Variants in RPS6KC1 observed in about 807,000 individuals in gnomAD.
RPS6KC1 encodes the protein ribosomal protein S6 kinase C1.
Under a neutral mutation model 103.8 loss-of-function variants are expected in RPS6KC1, and 54 were observed. The observed-to-expected ratio is 0.52, with a 90% confidence interval of 0.42 to 0.65. RPS6KC1 has a LOEUF of 0.65. RPS6KC1 is among the 30% of genes least tolerant of loss of function. RPS6KC1 has a pLI of 0.00. For synonymous variants in RPS6KC1, 439 were observed against 438.7 expected, an observed-to-expected ratio of 1.00 and a Z score of -0.01; for missense variants, 1,151 against 1,253.8, an observed-to-expected ratio of 0.92 and a Z score of 1.24.
At chr1:213,101,990 A>C (rs1269378746) in intron 3 of RPS6KC1, among the ~76,000 whole-genome samples, 4 of 152,184 alleles carry the variant, frequency 2.6e-5, no homozygotes, top group Non-Finnish European at 1.5e-5. Context: ...TTTCTAGATA[A>C]TATTAGTGAT....
At chr1:213,790,544 A>G in the RPS6KC1 span, among the ~76,000 whole-genome samples, 1 of 152,216 alleles carries the variant, frequency 6.6e-6, no homozygotes, top group African/African-American at 2.4e-5. Context: ...AAGGAAAGAA[A>G]GAAGTACTTC....
At chr1:213,427,393 T>C in the RPS6KC1 span, among the ~76,000 whole-genome samples, 1 of 152,208 alleles carries the variant, frequency 6.6e-6, no homozygotes, top group Admixed American at 6.5e-5. Context: ...ATGCACACCC[T>C]GTATTTTATA....
the RPS6KC1 span, among the ~76,000 whole-genome samples, chr1:213,760,633 G>A: frequency 6.6e-6 from 1 of 152,174 alleles, no homozygotes; most frequent in African/African-American, 2.4e-5. Flanking sequence ...TATGTATTCA[G>A]ACAAACAACA....
intron 7 of RPS6KC1, among the ~76,000 whole-genome samples, chr1:213,170,814 T>G (rs546840220): frequency 1.3e-5 from 2 of 152,362 alleles, no homozygotes; most frequent in South Asian, 4.1e-4. Flanking sequence ...GGATTGTGAT[T>G]AGCTTGGTGC....
chr1:213,734,553 TCTC>T, the RPS6KC1 span, among the ~76,000 whole-genome samples: 1 of 152,270 alleles, frequency 6.6e-6, no homozygotes, highest in East Asian at 1.9e-4. Flanking sequence ...GTGTATGACT[TCTC>T]CTCTTTATTA....
the RPS6KC1 span, among the ~76,000 whole-genome samples, chr1:213,662,291 A>G: frequency 2.0e-5 from 3 of 151,910 alleles, no homozygotes; most frequent in African/African-American, 7.3e-5. Flanking sequence ...TTTTTGAGAC[A>G]GAATCTTGCC....
chr1:213,758,066 G>A, the RPS6KC1 span, among the ~76,000 whole-genome samples: 1 of 152,142 alleles, frequency 6.6e-6, no homozygotes, highest in Non-Finnish European at 1.5e-5. Flanking sequence ...GAACTCTGAT[G>A]GAGATGTACA....
intron 4 of RPS6KC1, among the ~76,000 whole-genome samples, chr1:213,108,209 G>C (rs550490348): frequency 6.6e-6 from 1 of 152,074 alleles, no homozygotes; most frequent in South Asian, 2.1e-4. Flanking sequence ...ATTTTCTTCT[G>C]TTTACTTTTA....
the RPS6KC1 span, among the ~76,000 whole-genome samples, chr1:213,432,485 C>T: frequency 5.3e-5 from 8 of 152,134 alleles, no homozygotes; most frequent in African/African-American, 1.7e-4. Flanking sequence ...GTAAATGACA[C>T]ACAATAAATG....
At chr1:213,137,018 T>A (rs927889316) in intron 6 of RPS6KC1, among the ~76,000 whole-genome samples, 5 of 152,146 alleles carry the variant, frequency 3.3e-5, no homozygotes, top group African/African-American at 1.2e-4. Context: ...CTATTCCCAT[T>A]CCTTACAAGG....
chr1:213,136,098 G>C (rs1473632211), intron 6 of RPS6KC1, among the ~76,000 whole-genome samples: 2 of 152,150 alleles, frequency 1.3e-5, no homozygotes, highest in Admixed American at 6.5e-5. Context: ...ACAGGTCTCT[G>C]TCTTTTTATT....
the RPS6KC1 span, among the ~76,000 whole-genome samples, chr1:213,352,338 A>G: frequency 1.3e-5 from 2 of 152,218 alleles, no homozygotes; most frequent in South Asian, 4.1e-4. Flanking sequence ...AAAATATTAT[A>G]AAAGCTGTGT....
At chr1:213,589,938 G>GGGGTGTGTGTGTGT in the RPS6KC1 span, among the ~76,000 whole-genome samples, 48 of 132,822 alleles carry the variant, frequency 3.6e-4, no homozygotes, top group African/African-American at 1.4e-3. Flanking sequence ...AAAAGGTAGT[G>GGGGTGTGTGTGTGT]GTGTGTGTGT....
the RPS6KC1 span, among the ~76,000 whole-genome samples, chr1:213,652,519 T>C: frequency 6.6e-6 from 1 of 152,262 alleles, no homozygotes; most frequent in Admixed American, 6.5e-5. Context: ...TGGAGTCTGC[T>C]TTCTCACCTC....
the RPS6KC1 span, among the ~76,000 whole-genome samples, chr1:213,506,328 A>ATT: frequency 3.9e-5 from 6 of 152,186 alleles, no homozygotes; most frequent in African/African-American, 1.4e-4. Flanking sequence ...TGGAAACTAA[A>ATT]TTTTAGGGCG....
the RPS6KC1 span, among the ~76,000 whole-genome samples, chr1:213,607,377 T>A: frequency 1.3e-5 from 2 of 152,194 alleles, no homozygotes; most frequent in Non-Finnish European, 2.9e-5. Context: ...TTGTGTAATT[T>A]TCCCTCTTTT....
chr1:213,363,673 T>G, the RPS6KC1 span, among the ~76,000 whole-genome samples: 1 of 87,366 alleles, frequency 1.1e-5, no homozygotes, highest in Non-Finnish European at 2.3e-5. Flanking sequence ...TTTCTTTCTT[T>G]CTTTCTTTCT....
At chr1:213,499,246 T>G in the RPS6KC1 span, among the ~76,000 whole-genome samples, 1 of 152,188 alleles carries the variant, frequency 6.6e-6, no homozygotes, top group African/African-American at 2.4e-5. Flanking sequence ...ACAACTGGAA[T>G]GGAGTTGACA....
chr1:213,261,347 G>GA, intron 12 of RPS6KC1, among the ~76,000 whole-genome samples: 1 of 151,836 alleles, frequency 6.6e-6, no homozygotes, highest in African/African-American at 2.4e-5. Flanking sequence ...ACAAATGTCT[G>GA]AGTTTAATAT....
Sources: allele counts gnomAD v4.1 joint callset (sites outside exome capture counted in the v4.1 genomes callset), GRCh38; gene constraint gnomAD v4.1.1; transcripts MANE v1.5; gene names NCBI Gene and HGNC (gene_info 2026-07-23, HGNC 2026-07-21).